L3MBTL3: variants seen among roughly 807,000 people sequenced by gnomAD.
L3MBTL3 encodes L3MBTL histone methyl-lysine binding protein 3.
Under a neutral mutation model 102.3 loss-of-function variants are expected in L3MBTL3, and 27 were observed. That is an observed-to-expected ratio of 0.26 (90% confidence interval 0.19 to 0.36). L3MBTL3 has a LOEUF of 0.36. L3MBTL3 is among the 10% of genes least tolerant of loss of function. L3MBTL3 has a pLI of 1.00. For missense variants in L3MBTL3, 798 were observed against 955.3 expected (o/e 0.84, Z 2.17); for synonymous variants, 340 against 320.9 (o/e 1.06, Z -0.64).
intron 2 of L3MBTL3, among the ~76,000 whole-genome samples, chr6:130,035,068 C>G (rs2114610704): frequency 6.6e-6 from 1 of 152,246 alleles, no homozygotes; most frequent in East Asian, 1.9e-4. Context: ...GCATTAATAA[C>G]AAATATTTTC....
At chr6:130,062,474 C>A (rs1032629625) in intron 10 of L3MBTL3, among the ~76,000 whole-genome samples, 2 of 151,852 alleles carry the variant, frequency 1.3e-5, no homozygotes, top group Non-Finnish European at 1.5e-5. Flanking sequence ...CAGCCCCAAC[C>A]TTCTGGGCAC....
rs1262803710 is a variant in L3MBTL3, at chr6:130,120,864, G to T, written c.1887-15G>T. ...TGTTTCTCTTATAAAATATTGAAAT[G>T]CCTGTTTTTCTTAGAGACCAGCATG... On this transcript the variant is annotated splice_polypyrimidine_tract_variant and intron_variant, in intron 19 of 22. Coordinates refer to ENST00000361794, the MANE Select transcript of L3MBTL3 (RefSeq NM_032438.4). 5 of 1,590,208 alleles carry T rather than the reference G, an allele frequency of 3.1e-6. No homozygotes were observed. Among genetic ancestry groups the T allele is most frequent in the Non-Finnish European group, 4.3e-6 (5 of 1,160,834 alleles).
intron 9 of L3MBTL3, 111 bp downstream of exon 9, chr6:130,057,608 T>C (rs1781591817): frequency 8.9e-6 from 8 of 900,952 alleles, no homozygotes; most frequent in Non-Finnish European, 1.4e-5. Context: ...TTTCTCAGCA[T>C]ACAGTTTTCA....
chr6:130,118,745 A>G (rs564993992), intron 19 of L3MBTL3, among the ~76,000 whole-genome samples: 6 of 152,230 alleles, frequency 3.9e-5, no homozygotes, highest in Non-Finnish European at 8.8e-5. Flanking sequence ...TGGGACAGTG[A>G]AAACTGAACA....
chr6:130,071,677 A>G (rs865836477), intron 13 of L3MBTL3, among the ~76,000 whole-genome samples: 2 of 152,246 alleles, frequency 1.3e-5, no homozygotes, highest in Middle Eastern at 6.8e-3. Flanking sequence ...GCATTTCTAA[A>G]GTGTTTAGTT....
At chr6:130,112,876 G>A (rs992645338) in intron 19 of L3MBTL3, among the ~76,000 whole-genome samples, 1 of 152,168 alleles carries the variant, frequency 6.6e-6, no homozygotes, top group Non-Finnish European at 1.5e-5. Flanking sequence ...TCCTATCCCA[G>A]TGATCCATTT....
intron 5 of L3MBTL3, 91 bp downstream of exon 5, chr6:130,049,921 T>C: frequency 6.8e-7 from 1 of 1,475,662 alleles, no homozygotes; most frequent in Non-Finnish European, 9.0e-7. Context: ...CTAACCCATA[T>C]TTCAGTTGAC....
At chr6:130,137,306 T>C (rs1787789616) in intron 22 of L3MBTL3, among the ~76,000 whole-genome samples, 1 of 152,192 alleles carries the variant, frequency 6.6e-6, no homozygotes, top group African/African-American at 2.4e-5. Flanking sequence ...AGACACCTAA[T>C]GTCTGGAATA....
In L3MBTL3 at chr6:130,094,306, T is replaced by C; in HGVS notation, c.1675T>C (p.Ser559Pro). ...LMEASEHGGC[S>P]TPGCKGIGHF... ...GGAAGCTTCAGAACATGGTGGATGCTCAACCCCGGGATGTAAAGGGATTGG... is the reference window on the plus strand; with the variant it reads ...GGAAGCTTCAGAACATGGTGGATGCCCAACCCCGGGATGTAAAGGGATTGG... Residue 559 changes from serine to proline, a missense_variant, in exon 18 of 23, where the codon TCA (serine) becomes CCA (proline). Physicochemically the swap from Ser to Pro is moderately conservative, Grantham distance 74. This residue lies in a region of L3MBTL3 where 306 missense variants were observed against 314.4 expected (regional missense o/e 0.97). Coordinates refer to ENST00000361794, the MANE Select transcript of L3MBTL3 (RefSeq NM_032438.4). The C allele has an allele frequency of 6.2e-7, 1 of 1,613,888 alleles. No individual in the cohort carries two copies. Among genetic ancestry groups the C allele is most frequent in the Non-Finnish European group, 8.5e-7 (1 of 1,179,860 alleles).
intron 18 of L3MBTL3, among the ~76,000 whole-genome samples, chr6:130,094,786 G>A (rs1268016345): frequency 6.6e-6 from 1 of 152,106 alleles, no homozygotes; most frequent in African/African-American, 2.4e-5. Flanking sequence ...ATCACAAAAT[G>A]CACAATATAA....
intron 20 of L3MBTL3, among the ~76,000 whole-genome samples, chr6:130,125,978 T>C (rs1228138302): frequency 6.7e-6 from 1 of 149,410 alleles, no homozygotes; most frequent in East Asian, 2.0e-4. Flanking sequence ...TTGTGTTTAG[T>C]ACAGTAGAGT....
chr6:130,021,328 G>A (rs973865506), intron 1 of L3MBTL3, among the ~76,000 whole-genome samples: 11 of 152,202 alleles, frequency 7.2e-5, no homozygotes, highest in Non-Finnish European at 1.0e-4. Flanking sequence ...GAGGACCTGA[G>A]CGAGCAGCCA....
chr6:130,096,783 AG>A (rs759926917), intron 18 of L3MBTL3, among the ~76,000 whole-genome samples: 1 of 152,186 alleles, frequency 6.6e-6, no homozygotes, highest in South Asian at 2.1e-4. Flanking sequence ...TAAGAGGATT[AG>A]TGGAAGACTT....
chr6:130,111,976 A>G (rs189461361), intron 19 of L3MBTL3, among the ~76,000 whole-genome samples: 111 of 152,128 alleles, frequency 7.3e-4, no homozygotes, highest in African/African-American at 2.6e-3. Flanking sequence ...TCTTTTTTCA[A>G]CCTATGCTTC....
intron 3 of L3MBTL3, 130 bp from the exon 4 acceptor site, chr6:130,049,152 G>A (rs1780921013): frequency 1.6e-6 from 1 of 623,264 alleles, no homozygotes; most frequent in South Asian, 2.0e-5. Context: ...GGTGTATCAG[G>A]ATATAATTGT....
At chr6:130,057,663 C>T (rs555950037) in intron 9 of L3MBTL3, among the ~76,000 whole-genome samples, 166 bp downstream of exon 9, 1 of 152,136 alleles carries the variant, frequency 6.6e-6, no homozygotes, top group Non-Finnish European at 1.5e-5. Flanking sequence ...CTTGTGCGTA[C>T]CTCCCATGTG....
intron 19 of L3MBTL3, among the ~76,000 whole-genome samples, chr6:130,118,418 G>A (rs1287603870): frequency 6.6e-6 from 1 of 152,168 alleles, no homozygotes; most frequent in Non-Finnish European, 1.5e-5. Context: ...ATGTCTGGAT[G>A]TGCTCGATTA....
At chr6:130,019,967 T>C (rs1246131362) in intron 1 of L3MBTL3, among the ~76,000 whole-genome samples, 3 of 100,358 alleles carry the variant, frequency 3.0e-5, no homozygotes, top group African/African-American at 7.6e-5. Flanking sequence ...GGCGCGGGCG[T>C]GTGTCGGGAG....
chr6:130,053,058 A>T, intron 7 of L3MBTL3, 67 bp downstream of exon 7: 1 of 1,263,802 alleles, frequency 7.9e-7, no homozygotes, highest in Non-Finnish European at 1.2e-6. Context: ...CACAGTCACA[A>T]GCACTGCTCT....
Sources: allele counts gnomAD v4.1 joint callset (sites outside exome capture counted in the v4.1 genomes callset), GRCh38; gene constraint gnomAD v4.1.1; regional missense constraint gnomAD v4.1.1; transcripts MANE v1.5; gene names NCBI Gene and HGNC (gene_info 2026-07-23, HGNC 2026-07-21).